The following NACC2 variants were observed in gnomAD, a reference collection of about 807,000 sequenced individuals.
NACC2 encodes the protein nucleus accumbens-associated protein 2.
NACC2 carries 8 observed loss-of-function variants against 25.1 expected under a neutral mutation model. That is an observed-to-expected ratio of 0.32 (90% confidence interval 0.19 to 0.57). The LOEUF (loss-of-function observed/expected upper bound fraction) is 0.57, where lower values mean the gene tolerates loss of function less well. NACC2 is among the 20% of genes least tolerant of loss of function. The pLI is 0.89. For missense variants in NACC2, 644 were observed against 650.2 expected (o/e 0.99, Z 0.10); for synonymous variants, 435 against 294.7 (o/e 1.48, Z -4.88).
At chr9:136,044,583 G>T (rs907975047) in intron 2 of NACC2, among the ~76,000 whole-genome samples, 5 of 152,140 alleles carry the variant, frequency 3.3e-5, no homozygotes, top group African/African-American at 1.2e-4. Flanking sequence ...GTGGTGGTGG[G>T]GGGGCTCTAA....
At chr9:136,070,344 A>G (rs1841135214) in intron 1 of NACC2, among the ~76,000 whole-genome samples, 1 of 150,742 alleles carries the variant, frequency 6.6e-6, no homozygotes, top group Non-Finnish European at 1.5e-5. Flanking sequence ...CGTCTCTACT[A>G]AAAATGCAAA....
At chr9:136,094,802 G>A (rs1228913207) in intron 1 of NACC2, among the ~76,000 whole-genome samples, 1 of 151,940 alleles carries the variant, frequency 6.6e-6, no homozygotes, top group Non-Finnish European at 1.5e-5. Context: ...GGGCTGGATC[G>A]GCCAGTCGGG....
chr9:136,092,238 G>C (rs1051840678), intron 1 of NACC2, among the ~76,000 whole-genome samples: 1 of 152,186 alleles, frequency 6.6e-6, no homozygotes, highest in African/African-American at 2.4e-5. Flanking sequence ...AGGGCACTTC[G>C]GGGAAGGCCC....
intron 1 of NACC2, among the ~76,000 whole-genome samples, chr9:136,057,986 A>G (rs916476153): frequency 6.6e-6 from 1 of 152,138 alleles, no homozygotes; most frequent in Non-Finnish European, 1.5e-5. Context: ...CCTCATCTGC[A>G]TATCATGCCA....
chr9:136,047,025 C>A (rs1840740885), intron 2 of NACC2, among the ~76,000 whole-genome samples: 1 of 152,116 alleles, frequency 6.6e-6, no homozygotes, highest in Non-Finnish European at 1.5e-5. Context: ...TCGCTCAGGC[C>A]CGCCTCTCAC....
chr9:136,091,875 C>T (rs911064009), intron 1 of NACC2, among the ~76,000 whole-genome samples: 2 of 152,122 alleles, frequency 1.3e-5, no homozygotes, highest in African/African-American at 4.8e-5. Flanking sequence ...AAACAGAGGT[C>T]ACCAGGATCC....
intron 2 of NACC2, among the ~76,000 whole-genome samples, chr9:136,025,869 T>C (rs1282114290): frequency 6.6e-6 from 1 of 151,956 alleles, no homozygotes; most frequent in African/African-American, 2.4e-5. Flanking sequence ...GAGCTGAGAT[T>C]GTGCCACTGC....
At chr9:136,058,577 C>A (rs1588575091) in intron 1 of NACC2, among the ~76,000 whole-genome samples, 1 of 152,148 alleles carries the variant, frequency 6.6e-6, no homozygotes, top group African/African-American at 2.4e-5. Context: ...ACTCTAGGAA[C>A]AACAGGATGA....
At chr9:136,026,404 G>T (rs1246461113) in intron 2 of NACC2, among the ~76,000 whole-genome samples, 15 of 134,536 alleles carry the variant, frequency 1.1e-4, no homozygotes, top group Admixed American at 1.1e-3. Flanking sequence ...CAGAATAAAA[G>T]ACACATGGAA....
intron 1 of NACC2, among the ~76,000 whole-genome samples, chr9:136,064,455 G>A (rs1399899484): frequency 1.3e-5 from 2 of 152,012 alleles, no homozygotes; most frequent in East Asian, 1.9e-4. Context: ...CATTTACAAC[G>A]GCATCAAAAA....
At position 136,069,115 on chromosome 9, in the gene NACC2, C is replaced by G. The variant is rs1050897617; in HGVS notation, c.-59-18535G>C. Reference sequence around the variant, plus strand: ...TAGAGACGGGGTTTCACCAAGTTGGCCAGGCTGGTCTCAAACTCCTGACCT... The same window carrying G: ...TAGAGACGGGGTTTCACCAAGTTGGGCAGGCTGGTCTCAAACTCCTGACCT... On this transcript the variant is annotated intron_variant, in intron 1 of 5. Coordinates refer to ENST00000277554, the MANE Select transcript of NACC2 (RefSeq NM_144653.5). Among the ~76,000 whole-genome samples the G allele has an allele frequency of 5.5e-5, 8 of 145,728 alleles. 1 individual carries two copies. Among genetic ancestry groups the G allele is most frequent in the African/African-American group, 2.1e-4 (8 of 38,222 alleles).
rs947399905 is a variant in NACC2 at position 136,055,064 on chromosome 9, T to TG, written c.-59-4485dup. Among the ~76,000 whole-genome samples, 9 of 151,416 alleles carry TG rather than the reference T, an allele frequency of 5.9e-5. No individual in the cohort carries two copies. The highest frequency in any genetic ancestry group is 2.2e-4 in the African/African-American group (9 of 41,120). Reference sequence around the variant, plus strand: ...AATACAGGTGGCTGTGGTGTCGGAGTGGGGGGTCTCTCCTCTGCAGAGCCT... The same window carrying TG: ...AATACAGGTGGCTGTGGTGTCGGAGTGGGGGGGTCTCTCCTCTGCAGAGCCT... On this transcript the variant is annotated intron_variant, in intron 1 of 5. Coordinates refer to ENST00000277554, the MANE Select transcript of NACC2 (RefSeq NM_144653.5). This position sits in a 1 kb window ranked among gnomAD's most constrained non-coding sequence, Gnocchi z 4.9.
rs897514969 is a variant in NACC2, at chr9:136,031,407, G to A, written c.887-14978C>T. On this transcript the variant is annotated intron_variant, in intron 2 of 5. Coordinates refer to ENST00000277554, the MANE Select transcript of NACC2 (RefSeq NM_144653.5). The stretch of plus-strand genomic sequence containing the variant: ...GGCTGGGGTGCAGTGGCACAATCTC[G>A]GCTCACTGCAAACTCTGCCTCCCGG... Among the ~76,000 whole-genome samples, 7 of 152,086 alleles carry A rather than the reference G, an allele frequency of 4.6e-5. No individual in the cohort carries two copies. In the South Asian group the frequency reaches 6.2e-4, roughly 14 times the overall value.
At chr9:136,038,626 T>G (rs1335309843) in intron 2 of NACC2, among the ~76,000 whole-genome samples, 1 of 152,232 alleles carries the variant, frequency 6.6e-6, no homozygotes, top group East Asian at 1.9e-4. Flanking sequence ...TTAAAAGTTA[T>G]TAAAAATGGA....
intron 3 of NACC2, among the ~76,000 whole-genome samples, chr9:136,014,941 T>G (rs975658398): frequency 6.6e-6 from 1 of 152,082 alleles, no homozygotes; most frequent in African/African-American, 2.4e-5. Context: ...GAGGGAATGC[T>G]TTCTGGGGGC....
At chr9:136,045,333 C>T (rs4842085) in intron 2 of NACC2, among the ~76,000 whole-genome samples, 23 of 48,740 alleles carry the variant, frequency 4.7e-4, no homozygotes, top group African/African-American at 1.2e-3. Flanking sequence ...CCAGAGCTGT[C>T]CCCTGCCAGG....
chr9:136,018,709 G>A lies in NACC2; in HGVS notation c.887-2280C>T, dbSNP rs1252613155. Among the ~76,000 whole-genome samples, 1 of 151,752 alleles carries A rather than the reference G, an allele frequency of 6.6e-6. No individual in the cohort carries two copies. Among genetic ancestry groups the A allele is most frequent in the Non-Finnish European group, 1.5e-5 (1 of 67,932 alleles). ...CTACAGGGGTCAGGCAGCATTTCCC[G>A]GTGGGGCAGAGCATCGCAGGATAAG... is the stretch of plus-strand genomic sequence containing the variant. On this transcript the variant is annotated intron_variant, in intron 2 of 5. Coordinates refer to ENST00000277554, the MANE Select transcript of NACC2 (RefSeq NM_144653.5). The surrounding 1 kb of genome is among the most constrained non-coding windows in gnomAD (Gnocchi z 4.4).
chr9:136,085,151 T>A (rs1262078593), intron 1 of NACC2, among the ~76,000 whole-genome samples: 2 of 126,432 alleles, frequency 1.6e-5, no homozygotes, highest in East Asian at 4.4e-4. Context: ...TTTTTTTTTT[T>A]TTTTTTTTTT....
At chr9:136,050,617 G>C in intron 1 of NACC2, 37 bp from the exon 2 acceptor site, 1 of 691,240 alleles carries the variant, frequency 1.4e-6, no homozygotes, top group Non-Finnish European at 2.6e-6. Flanking sequence ...AGTTCCTCCA[G>C]GTCACGGGCT....
Sources: allele counts gnomAD v4.1 joint callset (sites outside exome capture counted in the v4.1 genomes callset), GRCh38; gene constraint gnomAD v4.1.1; non-coding constraint Gnocchi (gnomAD v3.1); transcripts MANE v1.5; gene names NCBI Gene and HGNC (gene_info 2026-07-23, HGNC 2026-07-21).